DCAF12L1: variants seen among roughly 807,000 people sequenced by gnomAD.
The protein encoded by DCAF12L1 is DDB1- and CUL4-associated factor 12-like protein 1.
For missense variants in DCAF12L1, 251 were observed against 409.2 expected (o/e 0.61, Z 3.34); for synonymous variants, 218 against 196.4 (o/e 1.11, Z -0.92).
chrX:126,551,478 G>A lies in DCAF12L1; in HGVS notation c.1131C>T (p.Val377=). The A allele has an allele frequency of 8.3e-7, 1 of 1,211,565 alleles. No homozygotes were observed. The highest frequency in any genetic ancestry group is 1.1e-6 in the Non-Finnish European group (1 of 895,536). ...TTTCCTCCAGGAATTTCTGGGCCCG[G>A]ACGTCATAGAAGAGCAGGGAGCCCT... The part of the protein sequence containing the change: ...TGQGSLLFYD[V]RAQKFLEERA... Residue 377 remains valine, a synonymous_variant, in exon 1 of 2, where the codon GTC becomes GTT. Transcript: ENST00000371126.
Position 126,551,043 on chromosome X carries a change from A to G in DCAF12L1, c.*87T>C, listed in dbSNP as rs1017020209. On this transcript the variant is annotated 3_prime_UTR_variant, in exon 2 of 2. Coordinates refer to ENST00000371126, the MANE Select transcript of DCAF12L1 (RefSeq NM_178470.5). ...CAAAAAGTCTTAAAGCCAAGTTTTC[A>G]TTGACCAAAGGACCACTCACTCTCT... 9.8e-6 allele frequency: 5 copies of G among 509,458 alleles called. No individual in the cohort carries two copies. The highest frequency in any genetic ancestry group is 1.2e-5 in the Non-Finnish European group (4 of 340,560). 42.0% of individuals were successfully genotyped at this position (509,458 alleles called of 1,213,427 possible).
chrX:126,551,852 T>C lies in DCAF12L1; in HGVS notation c.757A>G (p.Ile253Val), dbSNP rs865820822. 1.6e-6 allele frequency: 2 copies of C among 1,212,368 alleles called. No individual in the cohort carries two copies. Among genetic ancestry groups the C allele is most frequent in the Non-Finnish European group, 2.2e-6 (2 of 895,642 alleles). Residue 253 changes from isoleucine to valine, a missense_variant, in exon 1 of 2, where the codon ATC (isoleucine) becomes GTC (valine). Coordinates refer to ENST00000371126, the MANE Select transcript of DCAF12L1 (RefSeq NM_178470.5). The part of the protein sequence containing the change: ...AHIRPRDVEA[I>V]PRAIINPSNR... ...CTGGGGTTGATGATGGCCCTGGGGA[T>C]GGCCTCCACATCCCTCGGACGGATG...
At position 126,551,580 on chromosome X, in the gene DCAF12L1, G is replaced by A. The variant is rs946434112; in HGVS notation, c.1029C>T (p.Pro343=). 9 of 1,211,402 alleles carry A rather than the reference G, an allele frequency of 7.4e-6. No individual in the cohort carries two copies. Among genetic ancestry groups the A allele is most frequent in the East Asian group, 3.0e-5 (1 of 33,809 alleles). ...CTGTGCCACCCTCTCGAGAACACAG[G>A]GGCCGGATGTTCTGCTGGTCCTGGC... ...DLRQDQQNIR[P]LCSREGGTGV... is the part of the protein sequence containing the mutation. Residue 343 remains proline, a synonymous_variant, in exon 1 of 2, where the codon CCC becomes CCT. Transcript: ENST00000371126.
chrX:126,552,390 G>A lies in DCAF12L1; in HGVS notation c.219C>T (p.Gly73=), dbSNP rs765863389. 20 of 1,210,095 alleles carry A rather than the reference G, an allele frequency of 1.7e-5. No individual in the cohort carries two copies. The highest frequency in any genetic ancestry group is 3.4e-6 in the Non-Finnish European group (3 of 895,197). Residue 73 remains glycine (G), a synonymous_variant, in exon 1 of 2, where the codon GGC becomes GGT. Coordinates refer to ENST00000371126, the MANE Select transcript of DCAF12L1 (RefSeq NM_178470.5). ...WGPARLQGFD[G]ELRGYAVQRL... ...TCTGTACCGCGTAGCCCCGCAGCTC[G>A]CCATCGAAGCCCTGGAGCCTGGCGG...
In DCAF12L1 at chrX:126,550,381, T is replaced by C. The variant is rs1159400955; in HGVS notation, c.*749A>G. 2.7e-5 allele frequency: 3 copies of C among 112,402 alleles called. No individual in the cohort carries two copies. Among genetic ancestry groups the C allele is most frequent in the Admixed American group, 9.5e-5 (1 of 10,546 alleles). The allele number at this position is 112,402 out of a possible 1,213,427, so 9.3% of individuals were successfully genotyped here. A position where few individuals can be genotyped will look rare whatever the true frequency, so the allele number is the denominator to read the frequency against. ...ATTCAAATATATTCACAAGTCTTGATAGTACTAAGGCAACAAGTGAAAAAA... is the reference window on the plus strand; with the variant it reads ...ATTCAAATATATTCACAAGTCTTGACAGTACTAAGGCAACAAGTGAAAAAA... On this transcript the variant is annotated 3_prime_UTR_variant, in exon 2 of 2. Transcript: ENST00000371126.
chrX:126,551,549 G>A lies in DCAF12L1; in HGVS notation c.1060C>T (p.Arg354Trp). The change falls in exon 1 of 2, where the codon CGG becomes TGG. Residue 354 changes from arginine (R) to tryptophan (W), a missense_variant. Transcript: ENST00000371126. ...LCSREGGTGVRSLSFYRHIIT... is the reference protein window; with the variant it reads ...LCSREGGTGVWSLSFYRHIIT... The stretch of plus-strand genomic sequence containing the variant: ...ATGTGGCGGTAGAAGCTCAGCGACC[G>A]CACGCCTGTGCCACCCTCTCGAGAA... The A allele has an allele frequency of 8.3e-7, 1 of 1,211,059 alleles. No homozygotes were observed. The highest frequency in any genetic ancestry group is 1.1e-6 in the Non-Finnish European group (1 of 895,392).
chrX:126,550,876 T>C lies in DCAF12L1; in HGVS notation c.*254A>G. On this transcript the variant is annotated 3_prime_UTR_variant, in exon 2 of 2. Coordinates refer to ENST00000371126, the MANE Select transcript of DCAF12L1 (RefSeq NM_178470.5). The stretch of plus-strand genomic sequence containing the variant: ...AACGAGGAAAAACAAGGAAAACAAA[T>C]ATACATAACTGAAAGACCATGACTG... 1 of 189,568 alleles carries C rather than the reference T, an allele frequency of 5.3e-6. No individual in the cohort carries two copies. The highest frequency in any genetic ancestry group is 9.7e-6 in the Non-Finnish European group (1 of 102,919). 15.6% of individuals were successfully genotyped at this position (189,568 alleles called of 1,213,427 possible).
Position 126,551,801 on chromosome X carries a change from A to G in DCAF12L1, c.808T>C (p.Cys270Arg). Residue 270 changes from cysteine (C) to arginine (R), a missense_variant, in exon 1 of 2, where the codon TGC becomes CGC. Cys to Arg is a radical substitution (Grantham distance 180). Transcript: ENST00000371126. The stretch of plus-strand genomic sequence containing the variant: ...CCCAGTTCCTGGTTCTTGCCGCCGC[A>G]GGCCAGGGCCCGCACCTTGCGGTTA... ...PSNRKVRALA[C>R]GGKNQELGAV... 1 of 1,212,174 alleles carries G rather than the reference A, an allele frequency of 8.2e-7. No homozygotes were observed. The highest frequency in any genetic ancestry group is 1.1e-6 in the Non-Finnish European group (1 of 895,578).
At position 126,552,631 on chromosome X, in the gene DCAF12L1, G is replaced by A; in HGVS notation, c.-23C>T. On this transcript the variant is annotated 5_prime_UTR_variant, in exon 1 of 2. Transcript: ENST00000371126. The stretch of plus-strand genomic sequence containing the variant: ...CATGGTGGGCGGCGGGCGAGCGGCG[G>A]CGGCAAGGCGTTGGTGGCGGTTGCA... The A allele has an allele frequency of 8.3e-7, 1 of 1,200,745 alleles. No individual in the cohort carries two copies. The highest frequency in any genetic ancestry group is 1.1e-6 in the Non-Finnish European group (1 of 893,453).
rs141078053 is a variant in DCAF12L1, at chrX:126,551,246, G to A, written c.1363C>T (p.His455Tyr). Residue 455 changes from histidine (H) to tyrosine (Y), a missense_variant, in exon 1 of 2, where the codon CAT becomes TAT. By Grantham distance (83) the His-to-Tyr change is moderately conservative. Coordinates refer to ENST00000371126, the MANE Select transcript of DCAF12L1 (RefSeq NM_178470.5). Reference sequence around the variant, plus strand: ...CTCCAGAGGCCTGCATAGTTCCCATGGAGGCCTGCAGGGAGAGGCCCCCCA... The same window carrying A: ...CTCCAGAGGCCTGCATAGTTCCCATAGAGGCCTGCAGGGAGAGGCCCCCCA... ...VAGGPLPAGL[H>Y]GNYAGLWS 53 of 1,208,982 alleles carry A rather than the reference G, an allele frequency of 4.4e-5. No individual in the cohort carries two copies. The African/African-American group carries it at 7.5e-4, about 17-fold the overall frequency.
In DCAF12L1 at chrX:126,551,896, C is replaced by T. The variant is rs777083059; in HGVS notation, c.713G>A (p.Gly238Asp). Reference protein sequence around the residue: ...DDTVAWHSEVGLPVYAHIRPR... With the variant: ...DDTVAWHSEVDLPVYAHIRPR... ...ACGGATGTGGGCATATACGGGGAGA[C>T]CCACCTCGCTATGCCAGGCAACAGT... Residue 238 changes from glycine to aspartate, a missense_variant, in exon 1 of 2, where the codon GGT (glycine) becomes GAT (aspartate). Gly to Asp is a moderately conservative substitution (Grantham distance 94). Coordinates refer to ENST00000371126, the MANE Select transcript of DCAF12L1 (RefSeq NM_178470.5). 1.7e-6 allele frequency: 2 copies of T among 1,211,208 alleles called. No homozygotes were observed. Among genetic ancestry groups the T allele is most frequent in the Non-Finnish European group, 2.2e-6 (2 of 895,436 alleles).
rs762428888 is a variant in DCAF12L1 at position 126,551,265 on chromosome X, C to T, written c.1344G>A (p.Gly448=). 1 of 1,210,935 alleles carries T rather than the reference C, an allele frequency of 8.3e-7. No homozygotes were observed. Among genetic ancestry groups the T allele is most frequent in the Admixed American group, 2.2e-5 (1 of 45,975 alleles). Residue 448 remains glycine (G), a synonymous_variant, in exon 1 of 2, where the codon GGG becomes GGA. Transcript: ENST00000371126. The part of the protein sequence containing the change: ...WPEMKLFVAG[G]PLPAGLHGNY... ...TCCCATGGAGGCCTGCAGGGAGAGG[C>T]CCCCCAGCCACAAAGAGCTTCATCT...
rs1927443938 is a variant in DCAF12L1 at position 126,550,535 on chromosome X, A to C, written c.*595T>G. The C allele has an allele frequency of 8.9e-6, 1 of 112,673 alleles. No homozygotes were observed. The highest frequency in any genetic ancestry group is 3.2e-5 in the African/African-American group (1 of 30,947). 9.3% of individuals were successfully genotyped at this position (112,673 alleles called of 1,213,427 possible). On this transcript the variant is annotated 3_prime_UTR_variant, in exon 2 of 2. Transcript: ENST00000371126. ...AATGAAGCAGAACCCCTGCACTCCT[A>C]AAGTGTTCCGACCAATTAGGAGTTT... is the stretch of plus-strand genomic sequence containing the variant.
rs1220596192 is a variant in DCAF12L1, at chrX:126,550,282, A to G, written c.*848T>C. On this transcript the variant is annotated 3_prime_UTR_variant, in exon 2 of 2. Coordinates refer to ENST00000371126, the MANE Select transcript of DCAF12L1 (RefSeq NM_178470.5). Reference sequence around the variant, plus strand: ...CAGTATACATTCTGCCCAGCCTGCCATACATTCCACGTTTACATTTCCTGC... The same window carrying G: ...CAGTATACATTCTGCCCAGCCTGCCGTACATTCCACGTTTACATTTCCTGC... 2.0e-4 allele frequency: 23 copies of G among 112,421 alleles called. No individual in the cohort carries two copies. The highest frequency in any genetic ancestry group is 6.8e-4 in the African/African-American group (21 of 30,904). 9.3% of individuals were successfully genotyped at this position (112,421 alleles called of 1,213,427 possible).
chrX:126,552,379 C>T lies in DCAF12L1; in HGVS notation c.230G>A (p.Gly77Asp). 2.5e-6 allele frequency: 3 copies of T among 1,211,641 alleles called. No homozygotes were observed. Among genetic ancestry groups the T allele is most frequent in the African/African-American group, 1.7e-5 (1 of 57,993 alleles). The change falls in exon 1 of 2, where the codon GGC becomes GAC. Residue 77 changes from glycine (G) to aspartate (D), a missense_variant. Coordinates refer to ENST00000371126, the MANE Select transcript of DCAF12L1 (RefSeq NM_178470.5). ...RLQGFDGELR[G>D]YAVQRLPELL... ...CTCGGGCAGCCTCTGTACCGCGTAG[C>T]CCCGCAGCTCGCCATCGAAGCCCTG... is the stretch of plus-strand genomic sequence containing the variant.
chrX:126,552,478 C>G lies in DCAF12L1; in HGVS notation c.131G>C (p.Arg44Pro), dbSNP rs1321889996. 2 of 1,210,622 alleles carry G rather than the reference C, an allele frequency of 1.7e-6. No individual in the cohort carries two copies. The highest frequency in any genetic ancestry group is 4.3e-5 in the Admixed American group (2 of 46,111). ...CGCCATCGAGCGATACGTCGCCGGCCGCCTCTGCCTCTTGAGTAGCAGCGG... is the reference window on the plus strand; with the variant it reads ...CGCCATCGAGCGATACGTCGCCGGCGGCCTCTGCCTCTTGAGTAGCAGCGG... ...EGPLLLKRQR[R>P]PATYRSMAHY... The change falls in exon 1 of 2, where the codon CGG becomes CCG. Residue 44 changes from arginine to proline, a missense_variant. By Grantham distance (103) the Arg-to-Pro change is moderately radical. Coordinates refer to ENST00000371126, the MANE Select transcript of DCAF12L1 (RefSeq NM_178470.5).
In DCAF12L1 at chrX:126,552,497, G is replaced by C. The variant is rs760261330; in HGVS notation, c.112C>G (p.Leu38Val). The change falls in exon 1 of 2, where the codon CTA becomes GTA. Residue 38 changes from leucine (L) to valine (V), a missense_variant. Leu to Val is a conservative substitution (Grantham distance 32). Transcript: ENST00000371126. ...LAAADGEGPL[L>V]LKRQRRPATY... Reference sequence around the variant, plus strand: ...GCCGGCCGCCTCTGCCTCTTGAGTAGCAGCGGCCCCTCACCGTCCGCTGCC... The same window carrying C: ...GCCGGCCGCCTCTGCCTCTTGAGTACCAGCGGCCCCTCACCGTCCGCTGCC... The C allele has an allele frequency of 1.3e-5, 16 of 1,208,731 alleles. No individual in the cohort carries two copies. The highest frequency in any genetic ancestry group is 1.8e-5 in the Non-Finnish European group (16 of 895,056).
Position 126,552,779 on chromosome X carries a change from G to T in DCAF12L1, c.-171C>A. The T allele has an allele frequency of 1.2e-6, 1 of 830,275 alleles. No homozygotes were observed. Among genetic ancestry groups the T allele is most frequent in the South Asian group, 2.7e-5 (1 of 36,964 alleles). 68.4% of individuals were successfully genotyped at this position (830,275 alleles called of 1,213,427 possible). A position where few individuals can be genotyped will look rare whatever the true frequency, so the allele number is the denominator to read the frequency against. On this transcript the variant is annotated 5_prime_UTR_variant, in exon 1 of 2. Coordinates refer to ENST00000371126, the MANE Select transcript of DCAF12L1 (RefSeq NM_178470.5). ...GGACGCGCGGGAGAGGGCGGCGGTGGCGGTGCAGACCTAGGCGAAGGCGGG... is the reference window on the plus strand; with the variant it reads ...GGACGCGCGGGAGAGGGCGGCGGTGTCGGTGCAGACCTAGGCGAAGGCGGG...
rs1203760158 is a variant in DCAF12L1, at chrX:126,552,104, C to T, written c.505G>A (p.Glu169Lys). 1.7e-6 allele frequency: 2 copies of T among 1,211,229 alleles called. No homozygotes were observed. Among genetic ancestry groups the T allele is most frequent in the African/African-American group, 3.5e-5 (2 of 57,599 alleles). Residue 169 changes from glutamate to lysine, a missense_variant, in exon 1 of 2, where the codon GAA becomes AAA. Coordinates refer to ENST00000371126, the MANE Select transcript of DCAF12L1 (RefSeq NM_178470.5). ...TAGATGGCCAGGCTGTTGGGGTTTT[C>T]GCCGCCGGTGGCCAGAAGCGTCTTG... is the stretch of plus-strand genomic sequence containing the variant. ...PSKTLLATGG[E>K]NPNSLAIYQL...
Sources: gnomAD v4.1 joint callset for allele counts on GRCh38, gnomAD v4.1.1 for gene constraint, MANE v1.5 for transcripts, NCBI Gene and HGNC (gene_info 2026-07-23, HGNC 2026-07-21) for gene names.